Variants in CSGALNACT2 observed in about 807,000 individuals in gnomAD.
CSGALNACT2 encodes chondroitin sulfate N-acetylgalactosaminyltransferase 2, also known as beta 4 GalNAcT-2.
Under a neutral mutation model 55.3 loss-of-function variants are expected in CSGALNACT2, and 35 were observed. The ratio of observed to expected loss-of-function variants is 0.63; its 90% CI spans 0.48 to 0.84. The LOEUF (loss-of-function observed/expected upper bound fraction) is 0.84. CSGALNACT2 is among the 40% of genes least tolerant of loss of function. The probability of loss-of-function intolerance (pLI) is 0.00; values close to 1 mark genes in which losing one functional copy is unlikely to be tolerated. For missense variants in CSGALNACT2, 544 were observed against 657.5 expected, an observed-to-expected ratio of 0.83 and a Z score of 1.89; for synonymous variants, 196 against 224.9, an observed-to-expected ratio of 0.87 and a Z score of 1.15.
chr10:43,175,044 C>A (rs1839452019), intron 6 of CSGALNACT2, among the ~76,000 whole-genome samples: 1 of 152,216 alleles, frequency 6.6e-6, no homozygotes, highest in Admixed American at 6.5e-5. Flanking sequence ...TGGTTTCTCG[C>A]ATGGTAGAAA....
chr10:43,169,833 GTCT>G (rs942722701), intron 6 of CSGALNACT2, among the ~76,000 whole-genome samples: 3 of 152,144 alleles, frequency 2.0e-5, no homozygotes, highest in Admixed American at 6.5e-5. Flanking sequence ...ATTGGCATTC[GTCT>G]TCTTTTTGAA....
rs947231269 is a variant in CSGALNACT2, at chr10:43,162,474, T to G, written c.981-1392T>G. 6.4e-5 allele frequency: 63 copies of G among 985,250 alleles called. No individual in the cohort carries two copies. In the African/African-American group the frequency reaches 1.0e-3, roughly 16 times the overall value. 61.0% of individuals were successfully genotyped at this position (985,250 alleles called of 1,614,324 possible). A position where few individuals can be genotyped will look rare whatever the true frequency, so the allele number is the denominator to read the frequency against. On this transcript the variant is annotated intron_variant, in intron 4 of 7. Transcript: ENST00000374466. ...GGTATTCTGTGATCAGTGCCTCCACTTGATGCTGAGTATGTGGGGTGGCAA... is the reference window on the plus strand; with the variant it reads ...GGTATTCTGTGATCAGTGCCTCCACGTGATGCTGAGTATGTGGGGTGGCAA...
intron 4 of CSGALNACT2, chr10:43,162,279 G>C (rs548941113): frequency 5.2e-6 from 3 of 579,438 alleles, no homozygotes; most frequent in East Asian, 5.4e-5. Flanking sequence ...CATCAGAGAG[G>C]AAAGAGCTTT....
chr10:43,147,534 A>G (rs1236551296), intron 1 of CSGALNACT2, among the ~76,000 whole-genome samples: 1 of 152,234 alleles, frequency 6.6e-6, no homozygotes, highest in African/African-American at 2.4e-5. Context: ...TATCATATCT[A>G]AGAAATCTTT....
intron 6 of CSGALNACT2, among the ~76,000 whole-genome samples, chr10:43,171,216 C>T (rs1356466498): frequency 6.6e-6 from 1 of 152,108 alleles, no homozygotes; most frequent in Non-Finnish European, 1.5e-5. Context: ...CAGGAACTCT[C>T]TTTACTGTTT....
chr10:43,158,555 A>G (rs936474733), intron 2 of CSGALNACT2, among the ~76,000 whole-genome samples, 160 bp from the exon 3 acceptor site: 2 of 152,218 alleles, frequency 1.3e-5, no homozygotes, highest in East Asian at 3.8e-4. Flanking sequence ...TTAAGCGAGT[A>G]ATTGTTACTG....
At chr10:43,164,192 T>C (rs1288733094) in intron 5 of CSGALNACT2, 148 bp downstream of exon 5, 2 of 656,690 alleles carry the variant, frequency 3.0e-6, no homozygotes, top group Admixed American at 6.8e-5. Context: ...TTAACTGGAA[T>C]ACTAAATAGG....
intron 6 of CSGALNACT2, among the ~76,000 whole-genome samples, chr10:43,174,135 C>G (rs1839435223): frequency 6.6e-6 from 1 of 151,600 alleles, no homozygotes; most frequent in Admixed American, 6.6e-5. Context: ...TAGCAGTGAA[C>G]AGAATCCACA....
chr10:43,163,561 CTATTTTTCCATTTGTG>C, intron 4 of CSGALNACT2: 1 of 985,352 alleles, frequency 1.0e-6, no homozygotes, highest in Non-Finnish European at 1.2e-6. Flanking sequence ...GACATTACAG[CTATTTTTCCATTTGTG>C]TATTTTTCAA....
chr10:43,178,012 ATGT>A lies in CSGALNACT2; in HGVS notation c.1336+1986_1336+1988del, dbSNP rs548759139. Among the ~76,000 whole-genome samples the A allele has an allele frequency of 9.9e-5, 15 of 152,260 alleles. No homozygotes were observed. The South Asian group carries it at 1.2e-3, about 13-fold the overall frequency. ...CTGATTATAATTTTTCTTATGATTA[ATGT>A]TGTTGAGCATCTCTTGATGTGTTTA... On this transcript the variant is annotated intron_variant, in intron 7 of 7. Coordinates refer to ENST00000374466, the MANE Select transcript of CSGALNACT2 (RefSeq NM_018590.5).
chr10:43,158,868 T>A lies in CSGALNACT2; in HGVS notation c.815T>A (p.Ile272Asn), dbSNP rs1839080764. The change falls in exon 3 of 8, where the codon ATT becomes AAT. Residue 272 changes from isoleucine (I) to asparagine (N), a missense_variant. Physicochemically the swap from Ile to Asn is moderately radical, Grantham distance 149. Coordinates refer to ENST00000374466, the MANE Select transcript of CSGALNACT2 (RefSeq NM_018590.5). ...SEMIDITRSI[I>N]NIIVPLAERT... ...ATGATTGACATCACTAGATCAATTATTAATATCATTGTGCCACTTGCTGAA... is the reference window on the plus strand; with the variant it reads ...ATGATTGACATCACTAGATCAATTAATAATATCATTGTGCCACTTGCTGAA... The A allele has an allele frequency of 6.2e-7, 1 of 1,612,920 alleles. No homozygotes were observed. Among genetic ancestry groups the A allele is most frequent in the Non-Finnish European group, 8.5e-7 (1 of 1,179,070 alleles).
intron 4 of CSGALNACT2, among the ~76,000 whole-genome samples, chr10:43,161,031 C>A (rs1204375746): frequency 6.6e-6 from 1 of 152,180 alleles, no homozygotes; most frequent in Non-Finnish European, 1.5e-5. Context: ...CCAGCCACTA[C>A]TGTTATGTTT....
At chr10:43,145,214 T>C (rs1838718592) in intron 1 of CSGALNACT2, among the ~76,000 whole-genome samples, 1 of 152,136 alleles carries the variant, frequency 6.6e-6, no homozygotes, top group Admixed American at 6.5e-5. Context: ...CAGCAACAAA[T>C]CAAAAGTGAT....
chr10:43,160,258 C>CA (rs1387061700), intron 3 of CSGALNACT2, among the ~76,000 whole-genome samples: 3 of 152,138 alleles, frequency 2.0e-5, no homozygotes, highest in African/African-American at 7.2e-5. Context: ...AGCAAAAGTT[C>CA]AAAAAATGTT....
intron 7 of CSGALNACT2, among the ~76,000 whole-genome samples, chr10:43,180,006 C>G (rs1839559280): frequency 6.6e-6 from 1 of 152,154 alleles, no homozygotes; most frequent in Admixed American, 6.5e-5. Flanking sequence ...AGGTTTTGCC[C>G]TGAGGATGGG....
At chr10:43,160,302 A>G (rs1171047630) in intron 3 of CSGALNACT2, among the ~76,000 whole-genome samples, 192 bp from the exon 4 acceptor site, 2 of 152,232 alleles carry the variant, frequency 1.3e-5, no homozygotes, top group Non-Finnish European at 2.9e-5. Flanking sequence ...GACTGCTTCC[A>G]TGGCCCTCCA....
chr10:43,148,637 A>G (rs1416910304), intron 1 of CSGALNACT2, among the ~76,000 whole-genome samples: 1 of 152,038 alleles, frequency 6.6e-6, no homozygotes, highest in Admixed American at 6.6e-5. Context: ...ATTCTTTTTG[A>G]TGCCATATTG....
intron 4 of CSGALNACT2, chr10:43,162,542 A>G (rs1564515836): frequency 1.0e-6 from 1 of 985,354 alleles, no homozygotes; most frequent in Non-Finnish European, 1.2e-6. Context: ...ATATTCCTTA[A>G]GACGGGGAGA....
chr10:43,163,731 C>G lies in CSGALNACT2; in HGVS notation c.981-135C>G. 5.2e-6 allele frequency: 7 copies of G among 1,355,558 alleles called. No homozygotes were observed. In the South Asian group the frequency reaches 6.0e-5, roughly 12 times the overall value. 84.0% of individuals were successfully genotyped at this position (1,355,558 alleles called of 1,614,324 possible). On this transcript the variant is annotated intron_variant, in intron 4 of 7. Coordinates refer to ENST00000374466, the MANE Select transcript of CSGALNACT2 (RefSeq NM_018590.5). ...ATCATACACATGAAGCTGGGATTTT[C>G]TTTCCCTTTGTGAATGTAGAACCAA... is the stretch of plus-strand genomic sequence containing the variant.
Sources: gnomAD v4.1 joint callset for allele counts (sites outside exome capture counted in the v4.1 genomes callset) on GRCh38, gnomAD v4.1.1 for gene constraint, MANE v1.5 for transcripts, NCBI Gene and HGNC (gene_info 2026-07-23, HGNC 2026-07-21) for gene names.